The following PTPRK variants were observed in gnomAD, a reference collection of about 807,000 sequenced individuals.
PTPRK encodes receptor-type tyrosine-protein phosphatase kappa.
A neutral mutation model predicts 178.0 loss-of-function variants in PTPRK; 75 were observed. The ratio of observed to expected loss-of-function variants is 0.42; its 90% CI spans 0.35 to 0.51. The LOEUF is 0.51. Among genes scored for constraint, PTPRK ranks in the 20% least tolerant of loss-of-function variants. The probability of loss-of-function intolerance (pLI) is 0.02; values close to 1 mark genes in which losing one functional copy is unlikely to be tolerated. For missense variants in PTPRK, 1,441 were observed against 1,797.8 expected, an observed-to-expected ratio of 0.80 and a Z score of 3.59; for synonymous variants, 637 against 620.6, an observed-to-expected ratio of 1.03 and a Z score of -0.39.
intron 6 of PTPRK, among the ~76,000 whole-genome samples, chr6:128,189,405 A>T (rs1175770482): frequency 6.6e-6 from 1 of 151,078 alleles, no homozygotes; most frequent in Non-Finnish European, 1.5e-5. Flanking sequence ...ACACCCGGCT[A>T]ATTTTTGTAT....
intron 3 of PTPRK, among the ~76,000 whole-genome samples, chr6:128,290,908 CT>C (rs564572747): frequency 6.6e-6 from 1 of 151,870 alleles, no homozygotes; most frequent in South Asian, 2.1e-4. Context: ...TATACTTTAT[CT>C]TTTTTTTGCT....
At position 128,078,920 on chromosome 6, in the gene PTPRK, TG is replaced by T. The variant is rs1182526955; in HGVS notation, c.1778-3del. The T allele has an allele frequency of 2.5e-6, 4 of 1,577,644 alleles. No individual in the cohort carries two copies. The highest frequency in any genetic ancestry group is 3.5e-6 in the Non-Finnish European group (4 of 1,147,538). ...CTTCATAGTCAGGTAAAGTTGGAGC[TG>T]ATGAGTGATTAATGAGATAAAAAAG... On this transcript the variant is annotated splice_polypyrimidine_tract_variant and splice_region_variant and intron_variant, in intron 10 of 29. Transcript: ENST00000368226.
At chr6:128,124,378 T>G (rs1379560690) in intron 7 of PTPRK, among the ~76,000 whole-genome samples, 1 of 152,146 alleles carries the variant, frequency 6.6e-6, no homozygotes, top group Admixed American at 6.6e-5. Flanking sequence ...ACACCTGTCC[T>G]TAGTCCTTAA....
chr6:128,480,220 CCT>C (rs1302859257), intron 1 of PTPRK, among the ~76,000 whole-genome samples: 1 of 152,102 alleles, frequency 6.6e-6, no homozygotes, highest in East Asian at 1.9e-4. Context: ...CCAGGCTTGA[CCT>C]CTCTCATTCC....
chr6:128,438,904 C>A (rs941721284), intron 1 of PTPRK, among the ~76,000 whole-genome samples: 1 of 151,934 alleles, frequency 6.6e-6, no homozygotes, highest in Non-Finnish European at 1.5e-5. Context: ...GTTTTGCTTT[C>A]CCATTGAAAC....
At chr6:128,061,856 T>C (rs1444605501) in intron 13 of PTPRK, among the ~76,000 whole-genome samples, 2 of 152,210 alleles carry the variant, frequency 1.3e-5, no homozygotes, top group Non-Finnish European at 2.9e-5. Context: ...CATTTTTTTA[T>C]ATTGGGAAAT....
chr6:128,397,551 CAG>C lies in PTPRK; in HGVS notation c.223+13_223+14del, dbSNP rs1373848665. The C allele has an allele frequency of 1.9e-6, 3 of 1,613,604 alleles. No individual in the cohort carries two copies. The Admixed American group carries it at 5.0e-5, about 27-fold the overall frequency. ...AACTATTCCCCCAACACTGACTAAACAGAGTGACTCTCACCTTGGGGCATCTC... is the reference window on the plus strand; with the variant it reads ...AACTATTCCCCCAACACTGACTAAACAGTGACTCTCACCTTGGGGCATCTC... On this transcript the variant is annotated intron_variant, in intron 2 of 29. Transcript: ENST00000368226.
chr6:127,987,584 T>C (rs551177375), intron 21 of PTPRK, among the ~76,000 whole-genome samples: 1 of 152,246 alleles, frequency 6.6e-6, no homozygotes, highest in African/African-American at 2.4e-5. Context: ...GTCATTTAAA[T>C]AAATGTTTAT....
chr6:127,978,083 G>A (rs7743059), intron 25 of PTPRK, among the ~76,000 whole-genome samples: 2,744 of 152,234 alleles, frequency 0.018, 86 homozygotes, highest in African/African-American at 0.062. Context: ...GGCATTCAGC[G>A]TTGGCTGAAG....
At chr6:128,014,960 A>G (rs1237211009) in intron 13 of PTPRK, among the ~76,000 whole-genome samples, 3 of 151,796 alleles carry the variant, frequency 2.0e-5, no homozygotes, top group Non-Finnish European at 3.0e-5. Flanking sequence ...GTAGTTGGAA[A>G]ATAATTTATT....
At chr6:128,359,555 C>G (rs982310721) in intron 2 of PTPRK, among the ~76,000 whole-genome samples, 1 of 151,900 alleles carries the variant, frequency 6.6e-6, no homozygotes, top group Non-Finnish European at 1.5e-5. Context: ...AGCCCGGGGC[C>G]AGCCTAACCT....
intron 13 of PTPRK, among the ~76,000 whole-genome samples, chr6:128,025,110 C>A (rs1446543122): frequency 6.6e-6 from 1 of 152,296 alleles, no homozygotes; most frequent in South Asian, 2.1e-4. Context: ...TTAAGATTAT[C>A]TCAAGCTATT....
At chr6:128,358,247 G>A (rs1562350642) in intron 2 of PTPRK, among the ~76,000 whole-genome samples, 1 of 152,146 alleles carries the variant, frequency 6.6e-6, no homozygotes, top group Non-Finnish European at 1.5e-5. Context: ...GGCCCTGAAG[G>A]AGAGGGCATA....
intron 2 of PTPRK, among the ~76,000 whole-genome samples, chr6:128,341,065 A>G (rs767752809): frequency 6.6e-6 from 1 of 152,148 alleles, no homozygotes; most frequent in African/African-American, 2.4e-5. Context: ...AAACATCAAT[A>G]TGATGTCAGC....
chr6:128,116,447 C>A (rs1791537941), intron 7 of PTPRK, among the ~76,000 whole-genome samples: 1 of 150,686 alleles, frequency 6.6e-6, no homozygotes, highest in African/African-American at 2.4e-5. Context: ...CTGGAAAAAT[C>A]AGATGTCTTC....
intron 2 of PTPRK, among the ~76,000 whole-genome samples, chr6:128,326,179 G>A (rs9321115): frequency 0.66 from 100,598 of 151,944 alleles, 37,112 homozygotes; most frequent in Middle Eastern, 0.86. Flanking sequence ...GGCAAGGGGA[G>A]GGAGAGCATA....
intron 15 of PTPRK, among the ~76,000 whole-genome samples, chr6:128,003,586 T>C (rs112112237): frequency 9.9e-4 from 150 of 151,968 alleles, no homozygotes; most frequent in Middle Eastern, 3.4e-3. Context: ...TTTTCAGTTA[T>C]CTGTGGGAAA....
At chr6:128,249,898 C>T (rs1055499706) in intron 3 of PTPRK, among the ~76,000 whole-genome samples, 5 of 152,196 alleles carry the variant, frequency 3.3e-5, no homozygotes, top group Admixed American at 1.3e-4. Flanking sequence ...TGCGCCCCCA[C>T]CCAAATCTCA....
At chr6:128,520,128 C>T (rs1858802766) in intron 1 of PTPRK, 131 bp downstream of exon 1, 1 of 754,754 alleles carries the variant, frequency 1.3e-6, no homozygotes, top group Non-Finnish European at 2.1e-6. Context: ...CCTCCCTCTA[C>T]CCTGTGTTCC....
Sources: gnomAD v4.1 joint callset for allele counts (sites outside exome capture counted in the v4.1 genomes callset) on GRCh38, gnomAD v4.1.1 for gene constraint, MANE v1.5 for transcripts, NCBI Gene and HGNC (gene_info 2026-07-23, HGNC 2026-07-21) for gene names.